The following ALK variants were observed in gnomAD, a reference collection of about 807,000 sequenced individuals.
ALK encodes ALK tyrosine kinase receptor.
ALK carries 74 observed loss-of-function variants against 163.1 expected under a neutral mutation model. The observed-to-expected ratio is 0.45, with a 90% CI of 0.38 to 0.55. The LOEUF (loss-of-function observed/expected upper bound fraction) is 0.55. ALK is among the 20% of genes least tolerant of loss of function. The probability of loss-of-function intolerance (pLI) is 0.00; values close to 1 mark genes in which losing one functional copy is unlikely to be tolerated. For missense variants in ALK, 2,063 were observed against 2,105.3 expected, an observed-to-expected ratio of 0.98 and a Z score of 0.39; for synonymous variants, 960 against 843.2, an observed-to-expected ratio of 1.14 and a Z score of -2.40.
At chr2:29,516,423 C>T (rs1045368645) in intron 4 of ALK, among the ~76,000 whole-genome samples, 3 of 152,130 alleles carry the variant, frequency 2.0e-5, no homozygotes, top group South Asian at 2.1e-4. Context: ...GGTAGCTGAA[C>T]GAAGGGGGTC....
intron 4 of ALK, among the ~76,000 whole-genome samples, chr2:29,397,892 T>C (rs1029103339): frequency 6.6e-6 from 1 of 152,182 alleles, no homozygotes; most frequent in Non-Finnish European, 1.5e-5. Context: ...CTAATGGAAT[T>C]TGGAATTCAG....
intron 1 of ALK, among the ~76,000 whole-genome samples, chr2:29,903,827 C>G (rs558883880): frequency 3.3e-5 from 5 of 152,254 alleles, no homozygotes; most frequent in African/African-American, 9.6e-5. Context: ...CTTATTACTG[C>G]TTTATGAAAT....
intron 3 of ALK, among the ~76,000 whole-genome samples, chr2:29,652,376 G>A (rs1336475669): frequency 1.3e-5 from 2 of 152,072 alleles, no homozygotes; most frequent in African/African-American, 4.8e-5. Context: ...TAAACTCAAA[G>A]GGAAGAATGC....
At chr2:29,435,614 A>C (rs1003432070) in intron 4 of ALK, among the ~76,000 whole-genome samples, 2 of 151,804 alleles carry the variant, frequency 1.3e-5, no homozygotes, top group African/African-American at 2.4e-5. Flanking sequence ...AAGTCAATTC[A>C]AGGTCACGGT....
chr2:29,698,249 A>C (rs149651344), intron 2 of ALK, among the ~76,000 whole-genome samples: 1 of 152,198 alleles, frequency 6.6e-6, no homozygotes, highest in Non-Finnish European at 1.5e-5. Context: ...TGGTTTTCAG[A>C]GCAGACTGCA....
intron 9 of ALK, among the ~76,000 whole-genome samples, chr2:29,295,224 G>A (rs188196647): frequency 1.2e-4 from 19 of 152,288 alleles, no homozygotes; most frequent in African/African-American, 4.3e-4. Flanking sequence ...GGCTGAGAAC[G>A]AAGTCTCCTT....
At chr2:29,363,885 C>A (rs1449160523) in intron 5 of ALK, among the ~76,000 whole-genome samples, 1 of 152,132 alleles carries the variant, frequency 6.6e-6, no homozygotes, top group Non-Finnish European at 1.5e-5. Flanking sequence ...AATACTATAG[C>A]TGGAAACTGA....
intron 1 of ALK, among the ~76,000 whole-genome samples, chr2:29,783,876 A>G (rs2148352302): frequency 1.3e-5 from 2 of 152,266 alleles, no homozygotes; most frequent in East Asian, 1.9e-4. Flanking sequence ...CACCCATCCC[A>G]GTCCTCCAGG....
At chr2:29,676,037 T>C (rs774209913) in intron 3 of ALK, among the ~76,000 whole-genome samples, 4 of 152,080 alleles carry the variant, frequency 2.6e-5, no homozygotes, top group Admixed American at 2.0e-4. Context: ...GAATCTTATT[T>C]TTTAATTCAG....
rs777204217 is a variant in ALK, at chr2:29,197,524, T to C, written c.4073+18A>G. On this transcript the variant is annotated intron_variant, in intron 27 of 28. Transcript: ENST00000389048. ...AACTGCTTAGTAACTAGCAGAAGTGTTCCTAAAAGAGTCATACACAGGCCC... is the reference window on the plus strand; with the variant it reads ...AACTGCTTAGTAACTAGCAGAAGTGCTCCTAAAAGAGTCATACACAGGCCC... 2 of 1,612,972 alleles carry C rather than the reference T, an allele frequency of 1.2e-6. No individual in the cohort carries two copies. Among genetic ancestry groups the C allele is most frequent in the South Asian group, 1.1e-5 (1 of 91,018 alleles).
intron 4 of ALK, among the ~76,000 whole-genome samples, chr2:29,446,365 G>A (rs1044151874): frequency 1.3e-5 from 2 of 152,014 alleles, no homozygotes; most frequent in African/African-American, 4.8e-5. Flanking sequence ...TGACCCCTCC[G>A]ATCCCCTTGT....
intron 3 of ALK, among the ~76,000 whole-genome samples, chr2:29,676,404 G>C (rs1490218355): frequency 2.6e-5 from 4 of 151,968 alleles, no homozygotes; most frequent in African/African-American, 9.7e-5. Context: ...TTTTGTAAAT[G>C]AATATCCAAT....
intron 1 of ALK, among the ~76,000 whole-genome samples, chr2:29,918,976 AG>A (rs1411693804): frequency 6.6e-6 from 1 of 152,222 alleles, no homozygotes; most frequent in Non-Finnish European, 1.5e-5. Flanking sequence ...TTGTCTTACA[AG>A]AAGAACATCG....
intron 26 of ALK, among the ~76,000 whole-genome samples, chr2:29,201,580 A>G (rs1354103391): frequency 6.6e-6 from 1 of 152,064 alleles, no homozygotes; most frequent in African/African-American, 2.4e-5. Flanking sequence ...TGAGGTCAGG[A>G]GTTCGAGACC....
intron 1 of ALK, among the ~76,000 whole-genome samples, chr2:29,819,755 T>C (rs764513310): frequency 4.6e-5 from 7 of 152,352 alleles, no homozygotes; most frequent in East Asian, 1.9e-4. Flanking sequence ...TTGTTCTGAA[T>C]GTTTCAGCTC....
At chr2:29,307,132 G>T (rs1041821353) in intron 8 of ALK, among the ~76,000 whole-genome samples, 25 of 152,332 alleles carry the variant, frequency 1.6e-4, no homozygotes, top group African/African-American at 5.5e-4. Context: ...TATGCCCCAT[G>T]TTTGCTATGC....
At chr2:29,604,129 AT>A (rs1675468896) in intron 3 of ALK, among the ~76,000 whole-genome samples, 1 of 144,738 alleles carries the variant, frequency 6.9e-6, no homozygotes, top group Non-Finnish European at 1.5e-5. Flanking sequence ...CCCACTACCT[AT>A]TTTTGTATAA....
intron 3 of ALK, among the ~76,000 whole-genome samples, chr2:29,582,121 C>T (rs1265015578): frequency 1.3e-5 from 2 of 152,182 alleles, no homozygotes; most frequent in Non-Finnish European, 2.9e-5. Context: ...TTGAGTTGCT[C>T]AGTCTTCATG....
At chr2:29,917,364 T>C (rs1026809819) in intron 1 of ALK, among the ~76,000 whole-genome samples, 2 of 152,208 alleles carry the variant, frequency 1.3e-5, no homozygotes, top group African/African-American at 4.8e-5. Context: ...GCCCACATCA[T>C]AGAAGAGTTA....
Sources: allele counts gnomAD v4.1 joint callset (sites outside exome capture counted in the v4.1 genomes callset), GRCh38; gene constraint gnomAD v4.1.1; transcripts MANE v1.5; gene names NCBI Gene and HGNC (gene_info 2026-07-23, HGNC 2026-07-21).